The following GAS7 variants were observed in gnomAD, a reference collection of about 807,000 sequenced individuals.
GAS7 encodes the protein growth arrest-specific protein 7.
GAS7 carries 28 observed loss-of-function variants against 71.1 expected under a neutral mutation model. The ratio of observed to expected loss-of-function variants is 0.39; its 90% CI spans 0.29 to 0.54. The LOEUF (loss-of-function observed/expected upper bound fraction) is 0.54, where lower values mean the gene tolerates loss of function less well. GAS7 is among the 20% of genes least tolerant of loss of function. GAS7 has a pLI of 0.62. For missense variants in GAS7, 436 were observed against 627.8 expected (o/e 0.69, Z 3.27); for synonymous variants, 258 against 245.8 (o/e 1.05, Z -0.46).
intron 1 of GAS7, among the ~76,000 whole-genome samples, chr17:10,138,400 T>C (rs761409041): frequency 6.6e-6 from 1 of 152,096 alleles, no homozygotes; most frequent in Non-Finnish European, 1.5e-5. Context: ...AAAGGAAATA[T>C]GAATGTGGGA....
At chr17:9,946,299 T>C (rs2068784542) in intron 6 of GAS7, among the ~76,000 whole-genome samples, 2 of 152,190 alleles carry the variant, frequency 1.3e-5, no homozygotes, top group Non-Finnish European at 2.9e-5. Context: ...ATTTTAGCCA[T>C]TTTTAAGAAT....
chr17:10,137,041 G>A (rs2074044221), intron 1 of GAS7, among the ~76,000 whole-genome samples: 1 of 152,104 alleles, frequency 6.6e-6, no homozygotes, highest in Admixed American at 6.5e-5. Flanking sequence ...TTGATTCCAG[G>A]AGGCAGAGGT....
intron 1 of GAS7, among the ~76,000 whole-genome samples, chr17:10,127,770 AG>A (rs1264490246): frequency 6.6e-6 from 1 of 152,206 alleles, no homozygotes; most frequent in African/African-American, 2.4e-5. Flanking sequence ...AGCTCCAACC[AG>A]GCGAAGTGGA....
chr17:9,916,283 G>C lies in GAS7; in HGVS notation c.*945C>G, dbSNP rs1005918687. The C allele has an allele frequency of 4.3e-6, 1 of 233,184 alleles. No homozygotes were observed. The highest frequency in any genetic ancestry group is 1.8e-4 in the South Asian group (1 of 5,540). The allele number at this position is 233,184 out of a possible 1,614,324, so 14.4% of individuals were successfully genotyped here. On this transcript the variant is annotated 3_prime_UTR_variant, in exon 14 of 14. Transcript: ENST00000432992. ...TGGTGGGCGGCCCGGGAGAGTGGGG[G>C]CCAGGGCAGCCCAAAGGTGCACAGG...
chr17:10,138,769 A>G (rs2074059686), intron 1 of GAS7, among the ~76,000 whole-genome samples: 1 of 152,188 alleles, frequency 6.6e-6, no homozygotes, highest in African/African-American at 2.4e-5. Context: ...TCCGTCTCAA[A>G]AAAAAACAAA....
At chr17:10,174,648 C>T (rs554299472) in intron 1 of GAS7, among the ~76,000 whole-genome samples, 8 of 151,662 alleles carry the variant, frequency 5.3e-5, no homozygotes, top group Admixed American at 4.6e-4. Context: ...GCTGAGATCG[C>T]ACCACTGCAC....
At chr17:10,078,192 A>G (rs2073417996) in intron 1 of GAS7, among the ~76,000 whole-genome samples, 1 of 152,026 alleles carries the variant, frequency 6.6e-6, no homozygotes, top group Admixed American at 6.6e-5. Context: ...CCCAGGCTTG[A>G]GCAATCCTCC....
intron 7 of GAS7, 67 bp downstream of exon 7, chr17:9,943,054 C>A (rs1406186128): frequency 2.0e-6 from 2 of 1,001,562 alleles, no homozygotes; most frequent in Admixed American, 1.8e-5. Context: ...TGTCGCCCCG[C>A]CCCGGCCACG....
intron 1 of GAS7, chr17:10,036,751 G>A (rs902347601): frequency 2.5e-6 from 3 of 1,215,808 alleles, no homozygotes; most frequent in African/African-American, 3.1e-5. Context: ...TGTTTCTGGA[G>A]GCCTTTCTTT....
intron 1 of GAS7, among the ~76,000 whole-genome samples, chr17:10,164,923 C>T (rs1449743470): frequency 3.3e-5 from 5 of 150,146 alleles, no homozygotes; most frequent in African/African-American, 4.9e-5. Context: ...CCAAGGCAGG[C>T]GGATCACCTG....
Position 9,919,739 on chromosome 17 carries a change from T to C in GAS7, c.1139-34A>G, listed in dbSNP as rs745566894. Reference sequence around the variant, plus strand: ...AGACCACAGTCACCATCATGAAGCATCCTATCCTCACCATGACTCTGTGCC... The same window carrying C: ...AGACCACAGTCACCATCATGAAGCACCCTATCCTCACCATGACTCTGTGCC... On this transcript the variant is annotated intron_variant, in intron 11 of 13. Transcript: ENST00000432992. This position sits in a 1 kb window ranked among gnomAD's most constrained non-coding sequence, Gnocchi z 5.0. 35 of 1,477,756 alleles carry C rather than the reference T, an allele frequency of 2.4e-5. No homozygotes were observed. The highest frequency in any genetic ancestry group is 1.5e-4 in the Admixed American group (9 of 59,842). The allele number at this position is 1,477,756 out of a possible 1,614,324, so 91.5% of individuals were successfully genotyped here.
At chr17:10,161,879 G>A (rs1362876022) in intron 1 of GAS7, among the ~76,000 whole-genome samples, 2 of 151,750 alleles carry the variant, frequency 1.3e-5, no homozygotes, top group East Asian at 1.9e-4. Context: ...CCTGGTTAAC[G>A]CGGTGAAACC....
At position 10,194,858 on chromosome 17, in the gene GAS7, CAAAAAAA is replaced by C. The variant is rs5819269; in HGVS notation, c.183+3343_183+3349del. Among the ~76,000 whole-genome samples the C allele has an allele frequency of 8.2e-5, 7 of 85,192 alleles. No homozygotes were observed. In the East Asian group the frequency reaches 1.1e-3, roughly 13 times the overall value. 55.9% of individuals were successfully genotyped at this position (85,192 alleles called of 152,430 possible). A position where few individuals can be genotyped will look rare whatever the true frequency, so the allele number is the denominator to read the frequency against. On this transcript the variant is annotated intron_variant, in intron 1 of 13. Coordinates refer to ENST00000432992, the MANE Select transcript of GAS7 (RefSeq NM_201433.2). ...TGAGCAACAGTGCGAGACTCTGTCT[CAAAAAAA>C]AAAAAAAAAAAAAAAAAAGACTTCT...
chr17:9,991,686 G>A (rs1164847496), intron 2 of GAS7, among the ~76,000 whole-genome samples: 6 of 152,066 alleles, frequency 3.9e-5, no homozygotes, highest in Non-Finnish European at 5.9e-5. Context: ...CTTACAGAGC[G>A]TAGACCCGTG....
intron 1 of GAS7, among the ~76,000 whole-genome samples, chr17:10,052,095 C>T (rs1044682882): frequency 6.6e-6 from 1 of 152,096 alleles, no homozygotes; most frequent in African/African-American, 2.4e-5. Context: ...TTCCATCTCA[C>T]CCCACACTGT....
chr17:9,985,293 T>G lies in GAS7; in HGVS notation c.305-3409A>C, dbSNP rs891374363. 3.2e-4 allele frequency among the ~76,000 whole-genome samples: 49 copies of G among 152,172 alleles called. 1 individual carries two copies. On this transcript the variant is annotated intron_variant, in intron 2 of 13. Coordinates refer to ENST00000432992, the MANE Select transcript of GAS7 (RefSeq NM_201433.2). Reference sequence around the variant, plus strand: ...ATCCCTGGCTAGCTCCTTTCCAACATGGCACACGGAATCAATTCCGAAGTC... The same window carrying G: ...ATCCCTGGCTAGCTCCTTTCCAACAGGGCACACGGAATCAATTCCGAAGTC...
At position 9,914,871 on chromosome 17, in the gene GAS7, T is replaced by C. The variant is rs140275212; in HGVS notation, c.*2357A>G. 599 of 231,826 alleles carry C rather than the reference T, an allele frequency of 2.6e-3. 3 individuals carry two copies. Among genetic ancestry groups the C allele is most frequent in the African/African-American group, 0.012 (561 of 45,374 alleles). The allele number at this position is 231,826 out of a possible 1,614,324, so 14.4% of individuals were successfully genotyped here. The stretch of plus-strand genomic sequence containing the variant: ...ATGCAGATTAATCAGAACAACAGAC[T>C]TACCTCTGAAAACTTAAATTCTGTA... On this transcript the variant is annotated 3_prime_UTR_variant, in exon 14 of 14. Transcript: ENST00000432992.
At chr17:10,108,069 A>T (rs1597796452) in intron 1 of GAS7, among the ~76,000 whole-genome samples, 1 of 151,012 alleles carries the variant, frequency 6.6e-6, no homozygotes, top group East Asian at 2.0e-4. Flanking sequence ...CATAGTCCAG[A>T]GGGGGTCTGG....
intron 1 of GAS7, among the ~76,000 whole-genome samples, chr17:10,032,142 G>C (rs1002364797): frequency 2.0e-5 from 3 of 147,002 alleles, no homozygotes; most frequent in Non-Finnish European, 3.0e-5. Context: ...CCTACATTTT[G>C]TTCCATTTCA....
Sources: gnomAD v4.1 joint callset for allele counts (sites outside exome capture counted in the v4.1 genomes callset) on GRCh38, gnomAD v4.1.1 for gene constraint, Gnocchi (gnomAD v3.1) non-coding constraint, MANE v1.5 for transcripts, NCBI Gene and HGNC (gene_info 2026-07-23, HGNC 2026-07-21) for gene names.